Variants in DZIP1 observed in about 807,000 individuals in gnomAD.
DZIP1 encodes DAZ interacting zinc finger protein 1, also known as cilium assembly protein DZIP1.
Under a neutral mutation model 107.6 loss-of-function variants are expected in DZIP1, and 97 were observed. The ratio of observed to expected loss-of-function variants is 0.90; its 90% CI spans 0.77 to 1.07. DZIP1 has a LOEUF of 1.07. DZIP1 is among the 50% of genes least tolerant of loss of function. The pLI, the probability that DZIP1 is intolerant of heterozygous loss-of-function variation, is 0.00. For synonymous variants in DZIP1, 390 were observed against 386.4 expected (o/e 1.01, Z -0.11); for missense variants, 1,035 against 1,063.6 (o/e 0.97, Z 0.37).
chr13:95,621,665 AGT>A (rs3051402), intron 9 of DZIP1, among the ~76,000 whole-genome samples: 15,902 of 123,048 alleles, frequency 0.13, 946 homozygotes, highest in Middle Eastern at 0.16. Context: ...ACCAGTTAGC[AGT>A]GTGTGTGTGT....
At chr13:95,611,738 C>A (rs1049561193) in intron 11 of DZIP1, among the ~76,000 whole-genome samples, 3 of 152,114 alleles carry the variant, frequency 2.0e-5, no homozygotes, top group South Asian at 2.1e-4. Flanking sequence ...AACAAAAAAT[C>A]TTTTTAAAGT....
chr13:95,638,663 G>T (rs28604903), intron 5 of DZIP1, among the ~76,000 whole-genome samples: 1 of 106,034 alleles, frequency 9.4e-6, no homozygotes, highest in East Asian at 2.8e-4. Context: ...ACACACACAC[G>T]CACACCCCAT....
chr13:95,617,961 C>G (rs369918623), intron 10 of DZIP1: 119 of 518,980 alleles, frequency 2.3e-4, no homozygotes, highest in Admixed American at 3.5e-4. Context: ...AACGAGGGTG[C>G]CATTTGCCAA....
intron 16 of DZIP1, among the ~76,000 whole-genome samples, chr13:95,593,170 ACATATACATAAATGTGTATACACATAT>A (rs2044357463): frequency 6.6e-6 from 1 of 152,254 alleles, no homozygotes; most frequent in South Asian, 2.1e-4. Flanking sequence ...CTATATACAT[ACATATACATAAATGTGTATACACATAT>A]CATATACACA....
At chr13:95,596,470 T>C (rs996211924) in intron 15 of DZIP1, among the ~76,000 whole-genome samples, 1 of 152,214 alleles carries the variant, frequency 6.6e-6, no homozygotes, top group East Asian at 1.9e-4. Flanking sequence ...CTAGTAATGA[T>C]AGATTTTTGA....
rs200396213 is a variant in DZIP1 at position 95,582,312 on chromosome 13, T to G, written c.2526A>C (p.Gly842=). 1.9e-6 allele frequency: 3 copies of G among 1,614,004 alleles called. No individual in the cohort carries two copies. The African/African-American group carries it at 4.0e-5, about 22-fold the overall frequency. ...ATGTGCTTGATTCATTTTCTTGAAG[T>G]CCTGTAAGTGGTGGGTAGAGGCAGA... is the stretch of plus-strand genomic sequence containing the variant. ...AFNPKGPKGE[G]LQENESSTLK... Residue 842 remains glycine, a splice_region_variant and synonymous_variant, in exon 23 of 23, where the codon GGA becomes GGC. Coordinates refer to ENST00000376829, the MANE Select transcript of DZIP1 (RefSeq NM_198968.4).
chr13:95,609,593 G>GC lies in DZIP1; in HGVS notation c.1364-81dup, dbSNP rs1340121970. 4 of 1,006,288 alleles carry GC rather than the reference G, an allele frequency of 4.0e-6. No individual in the cohort carries two copies. In the African/African-American group the frequency reaches 6.6e-5, roughly 17 times the overall value. The allele number at this position is 1,006,288 out of a possible 1,614,324, so 62.3% of individuals were successfully genotyped here. A position where few individuals can be genotyped will look rare whatever the true frequency, so the allele number is the denominator to read the frequency against. On this transcript the variant is annotated intron_variant, in intron 12 of 22. Transcript: ENST00000376829. The stretch of plus-strand genomic sequence containing the variant: ...TTTTGTAGCCCTTATACTAATTTGA[G>GC]CCCCCATAAAAAACATAAATGAAAT...
At position 95,642,176 on chromosome 13, in the gene DZIP1, C is replaced by T; in HGVS notation, c.-147G>A. The T allele has an allele frequency of 2.8e-6, 3 of 1,083,308 alleles. No homozygotes were observed. The highest frequency in any genetic ancestry group is 2.0e-5 in the South Asian group (1 of 50,416). The allele number at this position is 1,083,308 out of a possible 1,614,324, so 67.1% of individuals were successfully genotyped here. ...GGCGTCCAGGACGTTGCTATAGCAG[C>T]GCCCAGGTCCGGACCTGGAGCAAAG... On this transcript the variant is annotated 5_prime_UTR_variant, in exon 4 of 23. Transcript: ENST00000376829.
At chr13:95,627,255 GA>G (rs1191198118) in intron 7 of DZIP1, among the ~76,000 whole-genome samples, 10 of 152,116 alleles carry the variant, frequency 6.6e-5, no homozygotes, top group Non-Finnish European at 1.5e-4. Context: ...AACATTCAAT[GA>G]AAAAAGAATA....
chr13:95,641,877 CGCGGCGG>C lies in DZIP1; in HGVS notation c.37-29_37-23del, dbSNP rs1878570613. On this transcript the variant is annotated intron_variant, in intron 4 of 22. Transcript: ENST00000376829. This position sits in a 1 kb window ranked among gnomAD's most constrained non-coding sequence, Gnocchi z 4.3. ...AGGGCTGCGGGGGGCACAAAGAGAG[CGCGGCGG>C]GAGGCGGGGATGGGGGGCGGGCAGG... 9.5e-7 allele frequency: 1 copy of C among 1,057,612 alleles called. No homozygotes were observed. The highest frequency in any genetic ancestry group is 4.4e-5 in the Admixed American group (1 of 22,644). The allele number at this position is 1,057,612 out of a possible 1,614,324, so 65.5% of individuals were successfully genotyped here. A position where few individuals can be genotyped will look rare whatever the true frequency, so the allele number is the denominator to read the frequency against.
In DZIP1 at chr13:95,579,834, G is replaced by C. The variant is rs1315253308; in HGVS notation, c.*2400C>G. The C allele has an allele frequency of 6.6e-6, 1 of 152,242 alleles. No homozygotes were observed. The highest frequency in any genetic ancestry group is 1.5e-5 in the Non-Finnish European group (1 of 68,042). The allele number at this position is 152,242 out of a possible 1,614,324, so 9.4% of individuals were successfully genotyped here. On this transcript the variant is annotated 3_prime_UTR_variant, in exon 23 of 23. Coordinates refer to ENST00000376829, the MANE Select transcript of DZIP1 (RefSeq NM_198968.4). ...AAGGTAGATTAGGTCCTACAGGCCAGTGTGGGACAGGGTTGTGTAGGTGTG... is the reference window on the plus strand; with the variant it reads ...AAGGTAGATTAGGTCCTACAGGCCACTGTGGGACAGGGTTGTGTAGGTGTG...
At position 95,581,155 on chromosome 13, in the gene DZIP1, A is replaced by C. The variant is rs2044005755; in HGVS notation, c.*1079T>G. The C allele has an allele frequency of 6.6e-6, 1 of 152,664 alleles. No individual in the cohort carries two copies. Among genetic ancestry groups the C allele is most frequent in the Non-Finnish European group, 1.5e-5 (1 of 68,042 alleles). 9.5% of individuals were successfully genotyped at this position (152,664 alleles called of 1,614,324 possible). A position where few individuals can be genotyped will look rare whatever the true frequency, so the allele number is the denominator to read the frequency against. On this transcript the variant is annotated 3_prime_UTR_variant, in exon 23 of 23. Coordinates refer to ENST00000376829, the MANE Select transcript of DZIP1 (RefSeq NM_198968.4). ...GCTTTACTGAAAAGGTTGACAAATG[A>C]AAAGAGATCTAAAACCCAACAAATC... is the stretch of plus-strand genomic sequence containing the variant.
chr13:95,637,978 TTC>T (rs1344369658), intron 5 of DZIP1, among the ~76,000 whole-genome samples: 3 of 152,174 alleles, frequency 2.0e-5, no homozygotes, highest in Admixed American at 6.5e-5. Flanking sequence ...CAAACAGATT[TTC>T]TCTGAGAATC....
intron 15 of DZIP1, among the ~76,000 whole-genome samples, chr13:95,594,526 T>C (rs1056655606): frequency 2.0e-5 from 3 of 152,128 alleles, no homozygotes; most frequent in African/African-American, 7.2e-5. Flanking sequence ...TTGGCCAGGC[T>C]CAGTGGCTCA....
chr13:95,631,964 C>T (rs75483241), intron 6 of DZIP1, among the ~76,000 whole-genome samples: 2,083 of 152,312 alleles, frequency 0.014, 21 homozygotes, highest in Non-Finnish European at 0.022. Flanking sequence ...TACTCTGTAC[C>T]TCAGCGGCAT....
intron 5 of DZIP1, among the ~76,000 whole-genome samples, chr13:95,638,568 T>C (rs1442964340): frequency 3.3e-5 from 5 of 152,228 alleles, no homozygotes; most frequent in African/African-American, 1.2e-4. Flanking sequence ...TTCTGCATTT[T>C]AAATTTTTTA....
At position 95,642,182 on chromosome 13, in the gene DZIP1, G is replaced by A; in HGVS notation, c.-153C>T. 2 of 1,028,690 alleles carry A rather than the reference G, an allele frequency of 1.9e-6. No individual in the cohort carries two copies. Among genetic ancestry groups the A allele is most frequent in the Non-Finnish European group, 2.7e-6 (2 of 749,670 alleles). 63.7% of individuals were successfully genotyped at this position (1,028,690 alleles called of 1,614,324 possible). On this transcript the variant is annotated 5_prime_UTR_variant, in exon 4 of 23. Coordinates refer to ENST00000376829, the MANE Select transcript of DZIP1 (RefSeq NM_198968.4). ...CAGGACGTTGCTATAGCAGCGCCCAGGTCCGGACCTGGAGCAAAGGGCGCG... is the reference window on the plus strand; with the variant it reads ...CAGGACGTTGCTATAGCAGCGCCCAAGTCCGGACCTGGAGCAAAGGGCGCG...
At chr13:95,612,215 G>A (rs1415998458) in intron 10 of DZIP1, 38 bp from the exon 11 acceptor site, 2 of 1,592,948 alleles carry the variant, frequency 1.3e-6, no homozygotes, top group Non-Finnish European at 1.7e-6. Flanking sequence ...TCTGTAAGCT[G>A]CATGTCAAAT....
chr13:95,583,967 T>TA (rs1457471333), intron 22 of DZIP1, among the ~76,000 whole-genome samples: 2 of 151,448 alleles, frequency 1.3e-5, no homozygotes, highest in African/African-American at 2.4e-5. Flanking sequence ...CTAAAAAAAA[T>TA]AAAAAAATAA....
Sources: gnomAD v4.1 joint callset for allele counts (sites outside exome capture counted in the v4.1 genomes callset) on GRCh38, gnomAD v4.1.1 for gene constraint, Gnocchi (gnomAD v3.1) non-coding constraint, MANE v1.5 for transcripts, NCBI Gene and HGNC (gene_info 2026-07-23, HGNC 2026-07-21) for gene names.